The following CDKAL1 variants were observed in gnomAD, a reference collection of about 807,000 sequenced individuals.
CDKAL1 encodes the protein threonylcarbamoyladenosine tRNA methylthiotransferase.
A neutral mutation model predicts 68.2 loss-of-function variants in CDKAL1; 32 were observed. That is an observed-to-expected ratio of 0.47 (90% CI 0.35 to 0.63). CDKAL1 has a LOEUF of 0.63. Among genes scored for constraint, CDKAL1 ranks in the 30% least tolerant of loss-of-function variants. The pLI is 0.00. For synonymous variants in CDKAL1, 234 were observed against 244.3 expected, an observed-to-expected ratio of 0.96 and a Z score of 0.39; for missense variants, 606 against 696.7, an observed-to-expected ratio of 0.87 and a Z score of 1.47.
intron 9 of CDKAL1, among the ~76,000 whole-genome samples, chr6:20,862,856 G>A (rs1364954722): frequency 2.0e-5 from 3 of 152,040 alleles, no homozygotes; most frequent in Non-Finnish European, 2.9e-5. Flanking sequence ...GAGAAACTCC[G>A]CCTCTACTAA....
At chr6:20,846,819 G>T (rs1581691022) in intron 9 of CDKAL1, among the ~76,000 whole-genome samples, 1 of 152,286 alleles carries the variant, frequency 6.6e-6, no homozygotes, top group East Asian at 1.9e-4. Context: ...AGTGACAGTT[G>T]TGTGGACATA....
chr6:21,120,312 G>C (rs187522896), intron 13 of CDKAL1, among the ~76,000 whole-genome samples: 84 of 152,288 alleles, frequency 5.5e-4, no homozygotes, highest in African/African-American at 2.0e-3. Context: ...AACTGTACAA[G>C]GCACTTACCC....
intron 4 of CDKAL1, among the ~76,000 whole-genome samples, chr6:20,603,983 G>C (rs1766223731): frequency 6.7e-6 from 1 of 149,638 alleles, no homozygotes; most frequent in South Asian, 2.1e-4. Context: ...GGTGGTCAGA[G>C]ACCTGGAACA....
intron 6 of CDKAL1, among the ~76,000 whole-genome samples, chr6:20,742,663 T>C (rs1299700384): frequency 6.6e-6 from 1 of 152,064 alleles, no homozygotes; most frequent in African/African-American, 2.4e-5. Context: ...AATACATTAA[T>C]GCTCTCGCTG....
chr6:20,634,966 A>G (rs1767834819), intron 4 of CDKAL1, among the ~76,000 whole-genome samples: 1 of 144,320 alleles, frequency 6.9e-6, no homozygotes, highest in African/African-American at 2.5e-5. Flanking sequence ...AACAAGAGCA[A>G]AACCCCGTCT....
chr6:20,962,943 C>T lies in CDKAL1; in HGVS notation c.909+7358C>T, dbSNP rs115201530. On this transcript the variant is annotated intron_variant, in intron 10 of 15. Coordinates refer to ENST00000274695, the MANE Select transcript of CDKAL1 (RefSeq NM_017774.3). ...TATTTGATTCTTACCCTGGCACTTG[C>T]GAATAAATTTTAAGAGGTCAGTGAA... Among the ~76,000 whole-genome samples the T allele has an allele frequency of 3.3e-3, 499 of 152,126 alleles. 1 individual carries two copies. The highest frequency in any genetic ancestry group is 0.027 in the Middle Eastern group (8 of 294).
chr6:21,146,982 T>G (rs1042496664), intron 13 of CDKAL1, among the ~76,000 whole-genome samples: 1 of 152,184 alleles, frequency 6.6e-6, no homozygotes, highest in Admixed American at 6.5e-5. Flanking sequence ...CAAGTCTACA[T>G]TTTTGGAAGC....
chr6:20,948,010 CTTTTT>C (rs541978769), intron 9 of CDKAL1, among the ~76,000 whole-genome samples: 4 of 115,162 alleles, frequency 3.5e-5, no homozygotes, highest in African/African-American at 1.3e-4. Flanking sequence ...GTGAAGGTCA[CTTTTT>C]TTTTTTTTTT....
chr6:20,916,322 A>G lies in CDKAL1; in HGVS notation c.743-39097A>G, dbSNP rs569451902. Among the ~76,000 whole-genome samples, 59 of 152,344 alleles carry G rather than the reference A, an allele frequency of 3.9e-4. No individual in the cohort carries two copies. In the South Asian group the frequency reaches 0.012, roughly 31 times the overall value. On this transcript the variant is annotated intron_variant, in intron 9 of 15. Coordinates refer to ENST00000274695, the MANE Select transcript of CDKAL1 (RefSeq NM_017774.3). ...TCGGGGAACCTGGGTGAAGAATGCA[A>G]GAAAACTTCCTATTTTTGCAACTTC...
chr6:21,192,903 C>T (rs1179040450), intron 13 of CDKAL1, among the ~76,000 whole-genome samples: 7 of 148,546 alleles, frequency 4.7e-5, no homozygotes, highest in African/African-American at 1.7e-4. Flanking sequence ...CAACCTTGAA[C>T]TCTTGGACTC....
At chr6:20,790,586 C>T (rs72832348) in intron 8 of CDKAL1, among the ~76,000 whole-genome samples, 11,847 of 152,228 alleles carry the variant, frequency 0.078, 771 homozygotes, top group East Asian at 0.33. Context: ...CCTCACTCAG[C>T]CCTGGGCCTA....
intron 9 of CDKAL1, among the ~76,000 whole-genome samples, chr6:20,933,207 C>T (rs1763549442): frequency 6.6e-6 from 1 of 152,168 alleles, no homozygotes; most frequent in South Asian, 2.1e-4. Context: ...CATCTCCTTT[C>T]TGAATTTAAG....
intron 15 of CDKAL1, among the ~76,000 whole-genome samples, chr6:21,203,162 A>T (rs1778757225): frequency 6.9e-6 from 1 of 144,572 alleles, no homozygotes; most frequent in Non-Finnish European, 1.5e-5. Flanking sequence ...CAATCGTCCC[A>T]CATCAGCTTC....
chr6:20,755,678 T>C (rs987362363), intron 6 of CDKAL1, among the ~76,000 whole-genome samples: 31 of 152,206 alleles, frequency 2.0e-4, no homozygotes, highest in Admixed American at 1.5e-3. Context: ...GAATAAATGG[T>C]GGTATTAACA....
chr6:20,884,282 G>C (rs1210575684), intron 9 of CDKAL1, among the ~76,000 whole-genome samples: 1 of 148,840 alleles, frequency 6.7e-6, no homozygotes, highest in East Asian at 2.0e-4. Context: ...GAATGATGAG[G>C]TTGATGGAAA....
At chr6:20,741,653 G>GT (rs140551656) in intron 6 of CDKAL1, among the ~76,000 whole-genome samples, 33,623 of 151,770 alleles carry the variant, frequency 0.22, 4,777 homozygotes, top group Non-Finnish European at 0.32. Context: ...TCTTGTTTTT[G>GT]TTTTTTTATG....
chr6:20,822,197 A>G (rs981778376), intron 8 of CDKAL1, among the ~76,000 whole-genome samples: 1 of 152,212 alleles, frequency 6.6e-6, no homozygotes, highest in Admixed American at 6.5e-5. Context: ...ATGGTATTAT[A>G]TATTTTGCAG....
chr6:20,690,192 G>C (rs745856791), intron 5 of CDKAL1, among the ~76,000 whole-genome samples: 7 of 151,978 alleles, frequency 4.6e-5, no homozygotes, highest in Admixed American at 6.5e-5. Context: ...GTTTAATGAG[G>C]TAATTTTTTA....
Position 20,776,053 on chromosome 6 carries a change from T to C in CDKAL1, c.518-5092T>C, listed in dbSNP as rs374939081. On this transcript the variant is annotated intron_variant, in intron 7 of 15. Transcript: ENST00000274695. ...TGCTGCTCTTTAATGAATCATTGGA[T>C]TGGAAAATAACTCATTATACCATCA... 3.2e-4 allele frequency among the ~76,000 whole-genome samples: 49 copies of C among 152,294 alleles called. No homozygotes were observed. The East Asian group carries it at 6.2e-3, about 19-fold the overall frequency.
Sources: allele counts gnomAD v4.1 joint callset (sites outside exome capture counted in the v4.1 genomes callset), GRCh38; gene constraint gnomAD v4.1.1; transcripts MANE v1.5; gene names NCBI Gene and HGNC (gene_info 2026-07-23, HGNC 2026-07-21).